HEATR1: variants seen among roughly 807,000 people sequenced by gnomAD.
HEATR1 encodes HEAT repeat containing 1.
A neutral mutation model predicts 248.2 loss-of-function variants in HEATR1; 77 were observed. The observed-to-expected ratio is 0.31, with a 90% CI of 0.26 to 0.37. HEATR1 has a LOEUF of 0.37. Among genes scored for constraint, HEATR1 ranks in the 10% least tolerant of loss-of-function variants. The pLI, the probability that HEATR1 is intolerant of heterozygous loss-of-function variation, is 1.00. For missense variants in HEATR1, 2,420 were observed against 2,504.9 expected (o/e 0.97, Z 0.72); for synonymous variants, 897 against 923.1 (o/e 0.97, Z 0.51).
chr1:236,571,731 T>A lies in HEATR1; in HGVS notation c.3708-45A>T, dbSNP rs372747434. 1.0e-4 allele frequency: 143 copies of A among 1,390,244 alleles called. No individual in the cohort carries two copies. The African/African-American group carries it at 1.8e-3, about 18-fold the overall frequency. 86.1% of individuals were successfully genotyped at this position (1,390,244 alleles called of 1,614,324 possible). Reference sequence around the variant, plus strand: ...GAAATGATGGGAAATGTAAAAGTTGTACAATTCATTGTTACATTAATGGCC... The same window carrying A: ...GAAATGATGGGAAATGTAAAAGTTGAACAATTCATTGTTACATTAATGGCC... On this transcript the variant is annotated intron_variant, in intron 26 of 44. Transcript: ENST00000366582.
rs116267649 is a variant in HEATR1, at chr1:236,568,769, G to A, written c.4077+227C>T. 2.4e-3 allele frequency among the ~76,000 whole-genome samples: 367 copies of A among 151,560 alleles called. 2 individuals are homozygous for A. Among genetic ancestry groups the A allele is most frequent in the African/African-American group, 8.5e-3 (351 of 41,308 alleles). On this transcript the variant is annotated intron_variant, in intron 29 of 44. Transcript: ENST00000366582. ...CAGCAGAACCAGCTATAACACGTTT[G>A]TTTATATTATTGAGAAAGACATTGC... is the stretch of plus-strand genomic sequence containing the variant.
At position 236,572,439 on chromosome 1, in the gene HEATR1, C is replaced by T. The variant is rs1429415157; in HGVS notation, c.3679G>A (p.Val1227Met). 6 of 1,613,942 alleles carry T rather than the reference C, an allele frequency of 3.7e-6. No homozygotes were observed. Among genetic ancestry groups the T allele is most frequent in the African/African-American group, 1.3e-5 (1 of 74,910 alleles). The change falls in exon 26 of 45, where the codon GTG becomes ATG. Residue 1227 changes from valine (V) to methionine (M), a missense_variant. Physicochemically the swap from Val to Met is conservative, Grantham distance 21 (BLOSUM62 1). Transcript: ENST00000366582. Reference sequence around the variant, plus strand: ...GATAGCAAGTTAAAAAGAGTTGGCACCAATATCTGAGGACTTCTGAGCTTC... The same window carrying T: ...GATAGCAAGTTAAAAAGAGTTGGCATCAATATCTGAGGACTTCTGAGCTTC... ...KKKLRSPQIL[V>M]PTLFNLLSRC...
intron 44 of HEATR1, 86 bp from the exon 45 acceptor site, chr1:236,551,076 C>T (rs1662717147): frequency 7.7e-6 from 8 of 1,034,680 alleles, no homozygotes; most frequent in Non-Finnish European, 9.7e-6. Context: ...TAATGCCTTG[C>T]ACTTTCCGGC....
intron 9 of HEATR1, among the ~76,000 whole-genome samples, chr1:236,593,472 C>T (rs1206451821): frequency 6.6e-6 from 1 of 151,608 alleles, no homozygotes; most frequent in Non-Finnish European, 1.5e-5. Flanking sequence ...AAGCTACATC[C>T]AGACTAACCT....
At position 236,571,414 on chromosome 1, in the gene HEATR1, C is replaced by A. The variant is rs765564114; in HGVS notation, c.3885G>T (p.Ser1295=). The A allele has an allele frequency of 6.2e-7, 1 of 1,613,134 alleles. No individual in the cohort carries two copies. The highest frequency in any genetic ancestry group is 1.3e-5 in the African/African-American group (1 of 74,852). Residue 1295 remains serine, a synonymous_variant, in exon 28 of 45, where the codon TCG becomes TCT. Coordinates refer to ENST00000366582, the MANE Select transcript of HEATR1 (RefSeq NM_018072.6). The stretch of plus-strand genomic sequence containing the variant: ...CATGGTGATGGGTCTGCGGCATCTC[C>A]GAAAGGCGGATGCACTGAACTATCA... ...VELIVQCIRL[S]EMPQTHHHAL... is the part of the protein sequence containing the mutation.
rs570041670 is a variant in HEATR1, at chr1:236,555,258, A to AG, written c.5923+37dup. 205 of 1,601,616 alleles carry AG rather than the reference A, an allele frequency of 1.3e-4. 2 individuals carry two copies. The South Asian group carries it at 2.1e-3, about 17-fold the overall frequency. On this transcript the variant is annotated intron_variant, in intron 41 of 44. Transcript: ENST00000366582. ...TACTGGTACCTTGTATAAGGCACAC[A>AG]GGGCAAGGGTGACAGCTGAACTGAA... is the stretch of plus-strand genomic sequence containing the variant.
intron 3 of HEATR1, among the ~76,000 whole-genome samples, chr1:236,601,146 T>C (rs1178421157): frequency 1.3e-5 from 2 of 152,222 alleles, no homozygotes; most frequent in Non-Finnish European, 2.9e-5. Context: ...CTTTGTCTGA[T>C]TGCCCTAATG....
In HEATR1 at chr1:236,586,232, A is replaced by T. The variant is rs908149403; in HGVS notation, c.1927+9T>A. On this transcript the variant is annotated intron_variant, in intron 15 of 44. Transcript: ENST00000366582. ...TCACTTTTTCTAAAAAAACAACTGAATTTTTTACCTTCTTCCCAGCCTCTT... is the reference window on the plus strand; with the variant it reads ...TCACTTTTTCTAAAAAAACAACTGATTTTTTTACCTTCTTCCCAGCCTCTT... 1 of 1,585,152 alleles carries T rather than the reference A, an allele frequency of 6.3e-7. No homozygotes were observed. Among genetic ancestry groups the T allele is most frequent in the Non-Finnish European group, 8.6e-7 (1 of 1,167,420 alleles).
At chr1:236,603,894 ACAGT>A in intron 2 of HEATR1, 56 bp downstream of exon 2, 5 of 1,556,492 alleles carry the variant, frequency 3.2e-6, no homozygotes, top group South Asian at 2.4e-5. Flanking sequence ...AAAAAAAAAA[ACAGT>A]AACATCCAGA....
At chr1:236,604,174 C>G in intron 1 of HEATR1, 47 bp from the exon 2 acceptor site, 1 of 1,450,050 alleles carries the variant, frequency 6.9e-7, no homozygotes. Flanking sequence ...AATTATAAGG[C>G]GCCTCGTAAA....
At chr1:236,572,871 G>T in intron 24 of HEATR1, 43 bp from the exon 25 acceptor site, 1 of 1,527,318 alleles carries the variant, frequency 6.5e-7, no homozygotes, top group Non-Finnish European at 9.1e-7. Flanking sequence ...TAATCCATTG[G>T]GATAAAATTA....
In HEATR1 at chr1:236,555,535, A is replaced by G. The variant is rs1164649047; in HGVS notation, c.5754+16T>C. On this transcript the variant is annotated intron_variant, in intron 40 of 44. Transcript: ENST00000366582. ...AAATCTGAGCACAAAAGAGAGGAAG[A>G]GGAAGAAAGCGTCACCTTGAAGAAC... The G allele has an allele frequency of 6.2e-7, 1 of 1,614,002 alleles. No individual in the cohort carries two copies. The highest frequency in any genetic ancestry group is 8.5e-7 in the Non-Finnish European group (1 of 1,179,938).
intron 32 of HEATR1, among the ~76,000 whole-genome samples, chr1:236,563,442 C>T (rs2799436): frequency 0.49 from 75,060 of 151,836 alleles, 22,274 homozygotes; most frequent in Non-Finnish European, 0.65. Context: ...CCACCACGCC[C>T]GGCTAATTTT....
intron 9 of HEATR1, among the ~76,000 whole-genome samples, chr1:236,593,584 GAAAAAAAAAAAA>G (rs534009257): frequency 6.6e-5 from 6 of 90,822 alleles, no homozygotes; most frequent in Admixed American, 2.5e-4. Context: ...CCCATTAAGA[GAAAAAAAAAAAA>G]AAAAAAAAAA....
intron 21 of HEATR1, 139 bp downstream of exon 21, chr1:236,576,641 C>T: frequency 2.6e-6 from 2 of 757,006 alleles, no homozygotes; most frequent in Admixed American, 3.1e-5. Flanking sequence ...CACAGATGTA[C>T]AGATATTGAC....
At chr1:236,553,196 CAA>C (rs1335883857) in intron 43 of HEATR1, among the ~76,000 whole-genome samples, 1 of 152,152 alleles carries the variant, frequency 6.6e-6, no homozygotes, top group African/African-American at 2.4e-5. Flanking sequence ...TGCTCTAACT[CAA>C]AAGACTATAG....
At chr1:236,583,295 G>A in intron 17 of HEATR1, 99 bp from the exon 18 acceptor site, 1 of 986,414 alleles carries the variant, frequency 1.0e-6, no homozygotes, top group Non-Finnish European at 1.5e-6. Flanking sequence ...TTGTTTATGT[G>A]TGCATTTTGG....
intron 19 of HEATR1, among the ~76,000 whole-genome samples, chr1:236,582,302 T>C (rs1663772473): frequency 6.6e-6 from 1 of 152,036 alleles, no homozygotes; most frequent in African/African-American, 2.4e-5. Flanking sequence ...GAGACGGCGT[T>C]TCACCATGTT....
chr1:236,560,211 CGCACACACACACAG>C (rs1485295402), intron 33 of HEATR1, among the ~76,000 whole-genome samples: 26 of 151,794 alleles, frequency 1.7e-4, no homozygotes, highest in African/African-American at 5.8e-4. Context: ...GGTGTGTGCG[CGCACACACACACAG>C]GCACACACAC....
Sources: gnomAD v4.1 joint callset for allele counts (sites outside exome capture counted in the v4.1 genomes callset) on GRCh38, gnomAD v4.1.1 for gene constraint, MANE v1.5 for transcripts, NCBI Gene and HGNC (gene_info 2026-07-23, HGNC 2026-07-21) for gene names.